The following COL12A1 variants were observed in gnomAD, a reference collection of about 807,000 sequenced individuals.
COL12A1 encodes the protein collagen type XII alpha 1 chain, also known as collagen alpha-1(XII) chain.
Under a neutral mutation model 349.7 loss-of-function variants are expected in COL12A1, and 114 were observed. The ratio of observed to expected loss-of-function variants is 0.33; its 90% confidence interval spans 0.28 to 0.38. The LOEUF (loss-of-function observed/expected upper bound fraction) is 0.38. COL12A1 is among the 10% of genes least tolerant of loss of function. The pLI is 1.00. For synonymous variants in COL12A1, 1,369 were observed against 1,329.0 expected (o/e 1.03, Z -0.66); for missense variants, 3,284 against 3,756.9 (o/e 0.87, Z 3.29).
Position 75,177,815 on chromosome 6 carries a change from C to T in COL12A1, c.2285G>A (p.Gly762Asp). The T allele has an allele frequency of 1.2e-6, 2 of 1,614,130 alleles. No homozygotes were observed. Among genetic ancestry groups the T allele is most frequent in the Non-Finnish European group, 1.7e-6 (2 of 1,180,026 alleles). The change falls in exon 12 of 66, where the codon GGT becomes GAT. Residue 762 changes from glycine to aspartate, a missense_variant. Gly to Asp is a moderately conservative substitution (Grantham distance 94, BLOSUM62 -1). Around this residue, in one of 2 missense-constraint regions of COL12A1, gnomAD observed 2,601 missense variants for 2,824.8 expected, o/e 0.92. Coordinates refer to ENST00000322507, the MANE Select transcript of COL12A1 (RefSeq NM_004370.6). Reference protein sequence around the residue: ...RYRIIYRPVAGGESREVTTPP... With the variant: ...RYRIIYRPVADGESREVTTPP... ...GGTGGTAACTTCTCTGCTCTCTCCA[C>T]CAGCAACTGGTCTATATATAATTCG...
chr6:75,144,321 C>T (rs1767067302), intron 25 of COL12A1, among the ~76,000 whole-genome samples: 1 of 152,112 alleles, frequency 6.6e-6, no homozygotes, highest in South Asian at 2.1e-4. Context: ...AACCACCAGC[C>T]CCAGACAAGA....
rs373006852 is a variant in COL12A1, at chr6:75,143,298, C to T, written c.4781G>A (p.Arg1594His). The change falls in exon 26 of 66, where the codon CGT becomes CAT. Residue 1594 changes from arginine (R) to histidine (H), a missense_variant. Arg to His is a conservative substitution (Grantham distance 29). Transcript: ENST00000322507. ...TGTTTTGTATCGAACAATATATTTA[C>T]GCACTTTTCCAGGCACAGGTTCCCA... ...VFWEPVPGKV[R>H]KYIVRYKTPE... is the part of the protein sequence containing the mutation. 52 of 1,613,920 alleles carry T rather than the reference C, an allele frequency of 3.2e-5. No homozygotes were observed. Among genetic ancestry groups the T allele is most frequent in the African/African-American group, 2.9e-4 (22 of 75,022 alleles).
At chr6:75,137,408 C>A (rs1562198484) in intron 31 of COL12A1, 29 bp downstream of exon 31, 2 of 1,534,614 alleles carry the variant, frequency 1.3e-6, no homozygotes, top group Non-Finnish European at 8.8e-7. Context: ...TAGAATTAAT[C>A]CAAGTTATAA....
chr6:75,134,464 G>A (rs1004527161), intron 32 of COL12A1, among the ~76,000 whole-genome samples: 3 of 152,014 alleles, frequency 2.0e-5, no homozygotes, highest in African/African-American at 4.8e-5. Flanking sequence ...CCAGCTATTC[G>A]GGAGCCTGAG....
chr6:75,146,712 G>A (rs962326542), intron 23 of COL12A1, among the ~76,000 whole-genome samples: 3 of 152,112 alleles, frequency 2.0e-5, no homozygotes, highest in Non-Finnish European at 2.9e-5. Context: ...GCTTCTTGAA[G>A]ATAAACCCAT....
At chr6:75,136,754 A>T (rs993146144) in intron 31 of COL12A1, among the ~76,000 whole-genome samples, 4 of 152,172 alleles carry the variant, frequency 2.6e-5, no homozygotes, top group Admixed American at 6.5e-5. Flanking sequence ...TGCAGTTCTA[A>T]TTACATAGTT....
At chr6:75,138,710 A>G in intron 28 of COL12A1, 112 bp downstream of exon 28, 5 of 1,553,622 alleles carry the variant, frequency 3.2e-6, no homozygotes, top group Non-Finnish European at 4.4e-6. Context: ...TCATGAGCTC[A>G]AATGTCAATA....
At position 75,116,076 on chromosome 6, in the gene COL12A1, T is replaced by C. The variant is rs1009234848; in HGVS notation, c.7520-19A>G. 6.2e-7 allele frequency: 1 copy of C among 1,612,344 alleles called. No individual in the cohort carries two copies. Among genetic ancestry groups the C allele is most frequent in the Non-Finnish European group, 8.5e-7 (1 of 1,178,964 alleles). Reference sequence around the variant, plus strand: ...GGACAACCTGCAATGTACAGTGTTCTTTAAGTATGATTCACCAACACGATG... The same window carrying C: ...GGACAACCTGCAATGTACAGTGTTCCTTAAGTATGATTCACCAACACGATG... On this transcript the variant is annotated intron_variant, in intron 47 of 65. Transcript: ENST00000322507.
In COL12A1 at chr6:75,106,624, G is replaced by C; in HGVS notation, c.8101-128C>G. The C allele has an allele frequency of 4.0e-6, 3 of 743,592 alleles. No homozygotes were observed. In the Admixed American group the frequency reaches 6.4e-5, roughly 16 times the overall value. 46.1% of individuals were successfully genotyped at this position (743,592 alleles called of 1,614,324 possible). A position where few individuals can be genotyped will look rare whatever the true frequency, so the allele number is the denominator to read the frequency against. On this transcript the variant is annotated intron_variant, in intron 52 of 65. Coordinates refer to ENST00000322507, the MANE Select transcript of COL12A1 (RefSeq NM_004370.6). ...AAGGGTGTGAGCCATTGAGAGCAAT[G>C]TGATCCTTACTTCATGAGGAAAGAC...
intron 26 of COL12A1, among the ~76,000 whole-genome samples, chr6:75,142,909 T>C (rs1350242789): frequency 6.6e-6 from 1 of 152,204 alleles, no homozygotes; most frequent in Admixed American, 6.5e-5. Context: ...TTGCTACCTT[T>C]TATTTTTAGA....
At position 75,156,808 on chromosome 6, in the gene COL12A1, T is replaced by A. The variant is rs240740; in HGVS notation, c.2984-285A>T. Among the ~76,000 whole-genome samples the A allele has an allele frequency of 0.031, 4,676 of 152,292 alleles. 178 individuals are homozygous for A. The highest frequency in any genetic ancestry group is 0.13 in the East Asian group (657 of 5,180). Reference sequence around the variant, plus strand: ...GAGACTTTAGTAAAGAAAACATCCATTTCCGGAGATAAGGTTTTAGAATTT... The same window carrying A: ...GAGACTTTAGTAAAGAAAACATCCAATTCCGGAGATAAGGTTTTAGAATTT... On this transcript the variant is annotated intron_variant, in intron 14 of 65. Coordinates refer to ENST00000322507, the MANE Select transcript of COL12A1 (RefSeq NM_004370.6).
chr6:75,204,785 C>T (rs1000246992), intron 1 of COL12A1, among the ~76,000 whole-genome samples: 2 of 151,400 alleles, frequency 1.3e-5, no homozygotes, highest in African/African-American at 4.8e-5. Flanking sequence ...AAGAAAATCA[C>T]ACACACACAC....
intron 13 of COL12A1, among the ~76,000 whole-genome samples, 187 bp from the exon 14 acceptor site, chr6:75,165,966 T>C (rs1768278230): frequency 6.6e-6 from 1 of 152,170 alleles, no homozygotes. Flanking sequence ...GCAATAAAAC[T>C]TTAGAATTCT....
At chr6:75,093,724 T>C (rs1219628473) in intron 60 of COL12A1, among the ~76,000 whole-genome samples, 2 of 152,196 alleles carry the variant, frequency 1.3e-5, no homozygotes, top group Non-Finnish European at 2.9e-5. Context: ...ATTTTGAGAT[T>C]GTTCTGATTT....
intron 11 of COL12A1, 85 bp from the exon 12 acceptor site, chr6:75,178,020 A>G: frequency 1.6e-6 from 2 of 1,235,936 alleles, no homozygotes; most frequent in Non-Finnish European, 2.2e-6. Flanking sequence ...TTTTATTACT[A>G]AATTATACCA....
At chr6:75,121,262 G>C in intron 44 of COL12A1, 40 bp downstream of exon 44, 4 of 1,486,076 alleles carry the variant, frequency 2.7e-6, no homozygotes, top group Non-Finnish European at 3.6e-6. Context: ...GGAAAGGCAA[G>C]ACATCACAAA....
chr6:75,183,208 T>C lies in COL12A1; in HGVS notation c.1733A>G (p.Asp578Gly). ...DVEIFAVGVKDAVRSELEAIA... is the reference protein window; with the variant it reads ...DVEIFAVGVKGAVRSELEAIA... ...AGCTTCCAATTCTGAGCGAACGGCA[T>C]CCTTCACACCAACTGCAAAGATTTC... is the stretch of plus-strand genomic sequence containing the variant. The change falls in exon 10 of 66, where the codon GAT becomes GGT. Residue 578 changes from aspartate to glycine, a missense_variant. Asp to Gly is a moderately conservative substitution (Grantham distance 94). Transcript: ENST00000322507. The C allele has an allele frequency of 6.2e-7, 1 of 1,614,172 alleles. No individual in the cohort carries two copies. Among genetic ancestry groups the C allele is most frequent in the Admixed American group, 1.7e-5 (1 of 60,006 alleles).
intron 32 of COL12A1, 25 bp from the exon 33 acceptor site, chr6:75,134,022 C>T (rs778017694): frequency 1.2e-6 from 2 of 1,603,634 alleles, no homozygotes; most frequent in African/African-American, 2.7e-5. Context: ...AATCCCATCA[C>T]AGTATAATGC....
At position 75,192,235 on chromosome 6, in the gene COL12A1, A is replaced by G. The variant is rs751250522; in HGVS notation, c.311T>C (p.Val104Ala). 2 of 1,603,790 alleles carry G rather than the reference A, an allele frequency of 1.2e-6. No individual in the cohort carries two copies. The highest frequency in any genetic ancestry group is 2.7e-5 in the African/African-American group (2 of 74,698). Residue 104 changes from valine to alanine, a missense_variant, in exon 4 of 66, where the codon GTA becomes GCA. By Grantham distance (64) the Val-to-Ala change is moderately conservative. Around this residue, in one of 2 missense-constraint regions of COL12A1, gnomAD observed 2,601 missense variants for 2,824.8 expected, o/e 0.92. Coordinates refer to ENST00000322507, the MANE Select transcript of COL12A1 (RefSeq NM_004370.6). ...ITSYDEVEESVPVIGQLTIQT... is the reference protein window; with the variant it reads ...ITSYDEVEESAPVIGQLTIQT... ...ACTTGTTAGTTGTCCTATAACTGGT[A>G]CACTTTCTTCTACTTCATCATATGA...
Sources: allele counts gnomAD v4.1 joint callset (sites outside exome capture counted in the v4.1 genomes callset), GRCh38; gene constraint gnomAD v4.1.1; regional missense constraint gnomAD v4.1.1; transcripts MANE v1.5; gene names NCBI Gene and HGNC (gene_info 2026-07-23, HGNC 2026-07-21).